The following NRG3 variants were observed in gnomAD, a reference collection of about 807,000 sequenced individuals.
NRG3 encodes neuregulin 3.
In NRG3, 31 loss-of-function variants were observed where a neutral mutation model predicts 66.9. That is an observed-to-expected ratio of 0.46 (90% CI 0.35 to 0.63). The LOEUF (loss-of-function observed/expected upper bound fraction) is 0.63. Ranked by LOEUF, NRG3 falls within the 20% of genes least tolerant of loss-of-function variation. The pLI, the probability that NRG3 is intolerant of heterozygous loss-of-function variation, is 0.00. For synonymous variants in NRG3, 393 were observed against 359.4 expected (o/e 1.09, Z -1.06); for missense variants, 910 against 878.9 (o/e 1.04, Z -0.45).
chr10:82,179,409 T>G (rs2073263515), intron 1 of NRG3, among the ~76,000 whole-genome samples: 1 of 152,040 alleles, frequency 6.6e-6, no homozygotes, highest in Non-Finnish European at 1.5e-5. Flanking sequence ...TACCACATTT[T>G]GAGTTGCTTT....
intron 2 of NRG3, among the ~76,000 whole-genome samples, chr10:82,655,106 A>G (rs958805281): frequency 1.3e-5 from 2 of 151,978 alleles, no homozygotes; most frequent in Non-Finnish European, 2.9e-5. Flanking sequence ...CTTATTTCTT[A>G]TATATCAGAA....
chr10:82,958,992 A>C lies in NRG3; in HGVS notation c.1201A>C (p.Asn401His). 6.2e-7 allele frequency: 1 copy of C among 1,606,916 alleles called. No homozygotes were observed. Among genetic ancestry groups the C allele is most frequent in the Non-Finnish European group, 8.5e-7 (1 of 1,178,106 alleles). Residue 401 changes from asparagine (N) to histidine (H), a missense_variant, in exon 6 of 9, where the codon AAT becomes CAT. By Grantham distance (68) the Asn-to-His change is moderately conservative. Transcript: ENST00000372141. ...QIQEQLKVPQ[N>H]GKSYSLKASS... is the part of the protein sequence containing the mutation. ...CCAAGAGCAGCTGAAAGTGCCACAA[A>C]ATGGTAAAAGCTACAGTCTCAAAGC...
intron 1 of NRG3, among the ~76,000 whole-genome samples, chr10:81,981,042 C>T (rs756057730): frequency 2.0e-5 from 3 of 152,132 alleles, no homozygotes; most frequent in South Asian, 2.1e-4. Flanking sequence ...AGCATAAATC[C>T]GTAACGTTTG....
intron 3 of NRG3, among the ~76,000 whole-genome samples, chr10:82,814,206 C>CGGA (rs2061612427): frequency 6.6e-6 from 1 of 152,174 alleles, no homozygotes; most frequent in Non-Finnish European, 1.5e-5. Flanking sequence ...TGTAGCTTTC[C>CGGA]AAACAGGTCT....
chr10:81,892,395 A>G (rs958207910), intron 1 of NRG3, among the ~76,000 whole-genome samples: 15 of 152,174 alleles, frequency 9.9e-5, no homozygotes, highest in African/African-American at 3.6e-4. Context: ...GAAAGTATAA[A>G]TAAATTCATC....
intron 1 of NRG3, among the ~76,000 whole-genome samples, chr10:82,077,017 T>C (rs17099358): frequency 0.04 from 6,040 of 152,298 alleles, 149 homozygotes; most frequent in East Asian, 0.1. Flanking sequence ...TCTATGCTTC[T>C]ATGATTCTTA....
At chr10:81,933,579 A>G (rs1287051221) in intron 1 of NRG3, among the ~76,000 whole-genome samples, 1 of 152,162 alleles carries the variant, frequency 6.6e-6, no homozygotes, top group Admixed American at 6.5e-5. Flanking sequence ...TAGGGATTCA[A>G]TTATTTTGAT....
chr10:82,750,167 A>T (rs2058805881), intron 3 of NRG3, among the ~76,000 whole-genome samples: 1 of 152,232 alleles, frequency 6.6e-6, no homozygotes, highest in Non-Finnish European at 1.5e-5. Context: ...ATGGTGTTTT[A>T]CATGACACTG....
chr10:82,187,270 A>G (rs2073862423), intron 1 of NRG3, among the ~76,000 whole-genome samples: 1 of 152,172 alleles, frequency 6.6e-6, no homozygotes, highest in Non-Finnish European at 1.5e-5. Context: ...ATGGCTTAAC[A>G]TTCCTAAAGC....
At chr10:82,115,897 C>T (rs1309379837) in intron 1 of NRG3, among the ~76,000 whole-genome samples, 1 of 152,202 alleles carries the variant, frequency 6.6e-6, no homozygotes, top group Non-Finnish European at 1.5e-5. Context: ...TCCAACTCTC[C>T]TACATGGATG....
intron 2 of NRG3, among the ~76,000 whole-genome samples, chr10:82,474,149 G>A (rs999535126): frequency 6.6e-6 from 1 of 151,684 alleles, no homozygotes; most frequent in African/African-American, 2.4e-5. Context: ...GACTGGAGAG[G>A]TGTCTGTGTC....
At chr10:82,865,951 C>G (rs1487735028) in intron 4 of NRG3, among the ~76,000 whole-genome samples, 1 of 152,086 alleles carries the variant, frequency 6.6e-6, no homozygotes, top group East Asian at 1.9e-4. Flanking sequence ...TTTTTATTCA[C>G]AAAATTAAAA....
intron 2 of NRG3, among the ~76,000 whole-genome samples, chr10:82,563,528 T>C (rs1242769253): frequency 6.6e-6 from 1 of 152,034 alleles, no homozygotes; most frequent in East Asian, 1.9e-4. Context: ...TTAGTATTTA[T>C]GTATATTTTC....
intron 2 of NRG3, among the ~76,000 whole-genome samples, chr10:82,476,459 T>G (rs1458774463): frequency 6.6e-6 from 1 of 151,960 alleles, no homozygotes; most frequent in Non-Finnish European, 1.5e-5. Flanking sequence ...AATCCAAGAG[T>G]CCTTTGATGG....
Position 82,208,674 on chromosome 10 carries a change from C to T in NRG3, c.824-150065C>T, listed in dbSNP as rs148500736. 4.6e-5 allele frequency among the ~76,000 whole-genome samples: 7 copies of T among 151,706 alleles called. No individual in the cohort carries two copies. In the East Asian group the frequency reaches 5.8e-4, roughly 13 times the overall value. On this transcript the variant is annotated intron_variant, in intron 1 of 8. Coordinates refer to ENST00000372141, the MANE Select transcript of NRG3 (RefSeq NM_001010848.4). ...AGGGGAAAAAAAAAAACTACAGGAA[C>T]GTCAATTACAAATGATTATTTTCAA...
In NRG3 at chr10:81,952,280, G is replaced by A. The variant is rs541743504; in HGVS notation, c.823+76117G>A. ...CATGCCACTTATTATGCCTTAGTCC[G>A]GTCCACTAAAACAAACACAAAGTTT... On this transcript the variant is annotated intron_variant, in intron 1 of 8. Coordinates refer to ENST00000372141, the MANE Select transcript of NRG3 (RefSeq NM_001010848.4). Among the ~76,000 whole-genome samples, 529 of 152,096 alleles carry A rather than the reference G, an allele frequency of 3.5e-3. 2 individuals carry two copies. The highest frequency in any genetic ancestry group is 6.2e-3 in the Non-Finnish European group (424 of 67,978).
At chr10:82,898,183 C>T (rs1843845353) in intron 4 of NRG3, among the ~76,000 whole-genome samples, 1 of 152,230 alleles carries the variant, frequency 6.6e-6, no homozygotes, top group Admixed American at 6.5e-5. Flanking sequence ...AACCCTGAGT[C>T]TGTCCACACT....
intron 1 of NRG3, among the ~76,000 whole-genome samples, chr10:82,192,992 AG>A (rs2074243811): frequency 1.3e-5 from 2 of 151,340 alleles, no homozygotes; most frequent in Non-Finnish European, 2.9e-5. Context: ...AGAGAGAGAG[AG>A]AGAGTTTGTG....
At chr10:82,328,641 T>C (rs1332985982) in intron 1 of NRG3, among the ~76,000 whole-genome samples, 1 of 152,174 alleles carries the variant, frequency 6.6e-6, no homozygotes, top group Admixed American at 6.5e-5. Flanking sequence ...TAGTCAGGGT[T>C]TGGGGACCTG....
Sources: allele counts gnomAD v4.1 joint callset (sites outside exome capture counted in the v4.1 genomes callset), GRCh38; gene constraint gnomAD v4.1.1; transcripts MANE v1.5; gene names NCBI Gene and HGNC (gene_info 2026-07-23, HGNC 2026-07-21).